Variants in TBC1D19 observed in about 807,000 individuals in gnomAD.
TBC1D19 encodes TBC1 domain family, member 19.
TBC1D19 carries 60 observed loss-of-function variants against 89.0 expected under a neutral mutation model. The ratio of observed to expected loss-of-function variants is 0.67; its 90% CI spans 0.55 to 0.84. The LOEUF (loss-of-function observed/expected upper bound fraction) is 0.84, where lower values mean the gene tolerates loss of function less well. Among genes scored for constraint, TBC1D19 ranks in the 40% least tolerant of loss-of-function variants. The probability of loss-of-function intolerance (pLI) is 0.00; values close to 1 mark genes in which losing one functional copy is unlikely to be tolerated. For synonymous variants in TBC1D19, 189 were observed against 199.7 expected (o/e 0.95, Z 0.45); for missense variants, 500 against 610.8 (o/e 0.82, Z 1.91).
intron 7 of TBC1D19, among the ~76,000 whole-genome samples, chr4:26,641,161 A>C (rs1743485609): frequency 6.6e-6 from 1 of 152,218 alleles, no homozygotes; most frequent in African/African-American, 2.4e-5. Flanking sequence ...GGGCTGACTG[A>C]CACCTCATAC....
At chr4:26,738,887 C>T (rs1718191069) in intron 16 of TBC1D19, among the ~76,000 whole-genome samples, 1 of 151,986 alleles carries the variant, frequency 6.6e-6, no homozygotes, top group African/African-American at 2.4e-5. Flanking sequence ...CACAACTGGC[C>T]CACTGACTTC....
intron 10 of TBC1D19, among the ~76,000 whole-genome samples, chr4:26,672,708 T>C (rs893795547): frequency 6.6e-6 from 1 of 152,018 alleles, no homozygotes; most frequent in East Asian, 1.9e-4. Flanking sequence ...AATCCTTTTT[T>C]GTCTTTGAGA....
intron 7 of TBC1D19, among the ~76,000 whole-genome samples, chr4:26,649,958 C>A (rs1047878532): frequency 7.8e-5 from 3 of 38,370 alleles, no homozygotes; most frequent in Non-Finnish European, 3.9e-4. Flanking sequence ...TGAGAACATG[C>A]GGTGTTTGGT....
At chr4:26,682,118 T>A (rs1713396573) in intron 11 of TBC1D19, among the ~76,000 whole-genome samples, 1 of 152,168 alleles carries the variant, frequency 6.6e-6, no homozygotes, top group Non-Finnish European at 1.5e-5. Context: ...TATTTTTAAA[T>A]AGAGGCAAAC....
At chr4:26,780,742 A>T in the TBC1D19 span, among the ~76,000 whole-genome samples, 2 of 152,106 alleles carry the variant, frequency 1.3e-5, no homozygotes, top group South Asian at 2.1e-4. Context: ...TACTATTTCT[A>T]TGTAGGCTTT....
At chr4:26,667,511 A>T (rs946697801) in intron 9 of TBC1D19, among the ~76,000 whole-genome samples, 2 of 152,018 alleles carry the variant, frequency 1.3e-5, no homozygotes, top group African/African-American at 4.8e-5. Flanking sequence ...ACATTTGGCC[A>T]TGTTGTTATA....
At chr4:26,637,167 G>A in intron 4 of TBC1D19, 44 bp from the exon 5 acceptor site, 1 of 1,334,072 alleles carries the variant, frequency 7.5e-7, no homozygotes. Context: ...ATTAGTTTTA[G>A]TATTGTTACT....
chr4:26,656,187 C>G (rs1360514273), intron 7 of TBC1D19, among the ~76,000 whole-genome samples: 2 of 152,010 alleles, frequency 1.3e-5, no homozygotes, highest in Non-Finnish European at 2.9e-5. Flanking sequence ...ACAGCAATAA[C>G]TACTCTTTTA....
upstream of TBC1D19, among the ~76,000 whole-genome samples, chr4:26,580,990 A>G (rs1264117786): frequency 6.6e-6 from 1 of 152,226 alleles, no homozygotes; most frequent in Non-Finnish European, 1.5e-5. Context: ...AGCCCTATAC[A>G]TGTTGGCCCA....
rs781170770 is a variant in TBC1D19 at position 26,672,131 on chromosome 4, T to A, written c.665-18T>A. 1.9e-6 allele frequency: 2 copies of A among 1,035,408 alleles called. No homozygotes were observed. Among genetic ancestry groups the A allele is most frequent in the Non-Finnish European group, 2.6e-6 (2 of 755,172 alleles). 64.1% of individuals were successfully genotyped at this position (1,035,408 alleles called of 1,614,324 possible). ...TCATACTCATGTCTAATAATTTTAA[T>A]TTTTTTTTAATTTTTAGAACTTTTT... is the stretch of plus-strand genomic sequence containing the variant. On this transcript the variant is annotated intron_variant, in intron 9 of 20. Coordinates refer to ENST00000264866, the MANE Select transcript of TBC1D19 (RefSeq NM_018317.4).
At chr4:26,803,255 G>T in the TBC1D19 span, among the ~76,000 whole-genome samples, 1 of 152,196 alleles carries the variant, frequency 6.6e-6, no homozygotes, top group Non-Finnish European at 1.5e-5. Context: ...AGAGATTTCA[G>T]TGCACCTGAC....
chr4:26,747,150 T>G (rs1718694889), intron 18 of TBC1D19, among the ~76,000 whole-genome samples: 1 of 152,200 alleles, frequency 6.6e-6, no homozygotes, highest in South Asian at 2.1e-4. Context: ...AGGATGACTA[T>G]ACATAAATTA....
intron 3 of TBC1D19, among the ~76,000 whole-genome samples, chr4:26,616,946 C>T (rs1436676310): frequency 6.6e-6 from 1 of 152,036 alleles, no homozygotes; most frequent in Non-Finnish European, 1.5e-5. Flanking sequence ...TGGCTTATTC[C>T]ATATAATCTT....
At chr4:26,724,050 T>C (rs2109278495) in intron 15 of TBC1D19, among the ~76,000 whole-genome samples, 1 of 152,310 alleles carries the variant, frequency 6.6e-6, no homozygotes, top group South Asian at 2.1e-4. Flanking sequence ...ATATGGAGTA[T>C]GCTATGCAAT....
At chr4:26,659,755 A>T in intron 8 of TBC1D19, 48 bp downstream of exon 8, 1 of 1,289,776 alleles carries the variant, frequency 7.8e-7, no homozygotes, top group East Asian at 2.4e-5. Flanking sequence ...GATAACCATT[A>T]GAAAAATGTT....
At chr4:26,771,172 A>G in the TBC1D19 span, among the ~76,000 whole-genome samples, 1 of 151,994 alleles carries the variant, frequency 6.6e-6, no homozygotes, top group Admixed American at 6.6e-5. Flanking sequence ...CAAGGTGTCT[A>G]TTATAAAAAA....
chr4:26,720,548 GT>G (rs1716907543), intron 15 of TBC1D19, among the ~76,000 whole-genome samples: 1 of 151,976 alleles, frequency 6.6e-6, no homozygotes, highest in South Asian at 2.1e-4. Context: ...TTATTAAAAG[GT>G]ATCACTGAAA....
At chr4:26,641,599 G>A (rs1743541088) in intron 7 of TBC1D19, among the ~76,000 whole-genome samples, 4 of 151,814 alleles carry the variant, frequency 2.6e-5, no homozygotes, top group South Asian at 2.1e-4. Flanking sequence ...ACAGAAGTAG[G>A]CTTCAGAAAG....
At chr4:26,769,048 C>G in the TBC1D19 span, among the ~76,000 whole-genome samples, 1 of 151,896 alleles carries the variant, frequency 6.6e-6, no homozygotes, top group Non-Finnish European at 1.5e-5. Flanking sequence ...AAGAGAAAAT[C>G]TTAAAAGCAG....
Sources: allele counts gnomAD v4.1 joint callset (sites outside exome capture counted in the v4.1 genomes callset), GRCh38; gene constraint gnomAD v4.1.1; transcripts MANE v1.5; gene names NCBI Gene and HGNC (gene_info 2026-07-23, HGNC 2026-07-21).